Variants in TAF4B observed in about 807,000 individuals in gnomAD.
TAF4B encodes TATA-box binding protein associated factor 4b.
Under a neutral mutation model 86.4 loss-of-function variants are expected in TAF4B, and 38 were observed. The ratio of observed to expected loss-of-function variants is 0.44; its 90% CI spans 0.34 to 0.58. The LOEUF is 0.58. TAF4B is among the 20% of genes least tolerant of loss of function. The probability of loss-of-function intolerance (pLI) is 0.02; values close to 1 mark genes in which losing one functional copy is unlikely to be tolerated. For missense variants in TAF4B, 988 were observed against 1,027.6 expected (o/e 0.96, Z 0.53); for synonymous variants, 388 against 391.2 (o/e 0.99, Z 0.10).
In TAF4B at chr18:26,304,653, A is replaced by G. The variant is rs201732483; in HGVS notation, c.1833-10576A>G. The G allele has an allele frequency of 5.5e-6, 5 of 914,890 alleles. No homozygotes were observed. In the East Asian group the frequency reaches 5.9e-4, roughly 109 times the overall value. The allele number at this position is 914,890 out of a possible 1,614,324, so 56.7% of individuals were successfully genotyped here. ...AACTTGACTTACCCAGGAGTCTCAG[A>G]TACACTTTTCCCATTGTAATCAAGA... On this transcript the variant is annotated intron_variant, in intron 9 of 14. Transcript: ENST00000269142.
chr18:26,281,408 ATTT>A (rs2056447860), intron 5 of TAF4B, among the ~76,000 whole-genome samples: 1 of 152,208 alleles, frequency 6.6e-6, no homozygotes, highest in African/African-American at 2.4e-5. Context: ...ATTAGGCAAA[ATTT>A]TTAAAACTAT....
intron 9 of TAF4B, among the ~76,000 whole-genome samples, chr18:26,299,797 A>G (rs1462692599): frequency 1.3e-5 from 2 of 152,050 alleles, no homozygotes; most frequent in Non-Finnish European, 2.9e-5. Context: ...TGATTTTCAG[A>G]TTTATCAGCA....
chr18:26,319,755 A>G (rs868068426), intron 10 of TAF4B, among the ~76,000 whole-genome samples: 1 of 151,466 alleles, frequency 6.6e-6, no homozygotes, highest in African/African-American at 2.4e-5. Context: ...ACGACCAGCT[A>G]TTTTTTTTGT....
chr18:26,237,923 A>G (rs1263791025), intron 1 of TAF4B, among the ~76,000 whole-genome samples: 1 of 152,130 alleles, frequency 6.6e-6, no homozygotes, highest in Non-Finnish European at 1.5e-5. Flanking sequence ...AGCGTTTCCC[A>G]TCAGAAAAGA....
chr18:26,353,330 T>G (rs918227812), intron 13 of TAF4B, among the ~76,000 whole-genome samples: 1 of 152,240 alleles, frequency 6.6e-6, no homozygotes, highest in African/African-American at 2.4e-5. Flanking sequence ...AATCATATAT[T>G]AATAGTCTAA....
chr18:26,385,894 G>A (rs1208522958), intron 14 of TAF4B, among the ~76,000 whole-genome samples: 1 of 152,120 alleles, frequency 6.6e-6, no homozygotes, highest in African/African-American at 2.4e-5. Context: ...CTACCCCCTT[G>A]ACTGTGGATA....
chr18:26,315,469 A>G, intron 10 of TAF4B, 71 bp downstream of exon 10: 4 of 1,281,322 alleles, frequency 3.1e-6, no homozygotes, highest in Non-Finnish European at 4.2e-6. Flanking sequence ...CAAAAGAGAC[A>G]ACCTGGGTTG....
At chr18:26,256,731 T>A (rs1473095041) in intron 1 of TAF4B, among the ~76,000 whole-genome samples, 1 of 152,028 alleles carries the variant, frequency 6.6e-6, no homozygotes, top group Non-Finnish European at 1.5e-5. Flanking sequence ...ATCTCAAAAG[T>A]ATTTTCTAGT....
At chr18:26,324,676 TCTTGTA>T (rs1441769071) in intron 11 of TAF4B, among the ~76,000 whole-genome samples, 1 of 152,218 alleles carries the variant, frequency 6.6e-6, no homozygotes, top group Admixed American at 6.5e-5. Context: ...TAACCTGCTG[TCTTGTA>T]TACTACCTAT....
At chr18:26,254,583 CAA>C (rs2056054271) in intron 1 of TAF4B, among the ~76,000 whole-genome samples, 1 of 152,118 alleles carries the variant, frequency 6.6e-6, no homozygotes, top group Admixed American at 6.5e-5. Context: ...AAATGTGCCC[CAA>C]GAAGCATTAA....
intron 2 of TAF4B, chr18:26,265,945 GTGTT>G (rs1448983629): frequency 6.6e-6 from 1 of 151,244 alleles, no homozygotes; most frequent in African/African-American, 2.4e-5. Flanking sequence ...GCTAATTTTT[GTGTT>G]TATTTAGTAG....
chr18:26,353,780 A>G (rs531489389), intron 13 of TAF4B, among the ~76,000 whole-genome samples: 3 of 152,346 alleles, frequency 2.0e-5, no homozygotes, highest in Admixed American at 6.5e-5. Context: ...TAGATTGGAG[A>G]CATGGAAATA....
intron 13 of TAF4B, among the ~76,000 whole-genome samples, chr18:26,347,241 G>A (rs571944630): frequency 8.8e-4 from 134 of 151,870 alleles, no homozygotes; most frequent in African/African-American, 3.1e-3. Context: ...ATTATACCCA[G>A]CAAAACTATC....
chr18:26,381,997 C>T (rs1176115670), intron 14 of TAF4B, among the ~76,000 whole-genome samples: 1 of 151,738 alleles, frequency 6.6e-6, no homozygotes, highest in Non-Finnish European at 1.5e-5. Flanking sequence ...TTCTATCAGC[C>T]TGTATGCAAC....
At position 26,286,321 on chromosome 18, in the gene TAF4B, T is replaced by G. The variant is rs1373366732; in HGVS notation, c.1412T>G (p.Phe471Cys). 3 of 1,614,242 alleles carry G rather than the reference T, an allele frequency of 1.9e-6. No homozygotes were observed. In the Admixed American group the frequency reaches 5.0e-5, roughly 27 times the overall value. Residue 471 changes from phenylalanine to cysteine, a missense_variant, in exon 7 of 15, where the codon TTT becomes TGT. Around this residue, in one of 3 missense-constraint regions of TAF4B, gnomAD observed 747 missense variants for 737.9 expected, o/e 1.01. Coordinates refer to ENST00000269142, the MANE Select transcript of TAF4B (RefSeq NM_005640.3). ...ACACTGTCCCTTCCAGCAGTAACTT[T>G]TGGAGAAACTTCAGGTGCAGCTATT... The part of the protein sequence containing the change: ...AVTLSLPAVT[F>C]GETSGAAICL...
intron 1 of TAF4B, chr18:26,256,055 T>C (rs6508425): frequency 0.32 from 423,750 of 1,317,524 alleles, 78,381 homozygotes; most frequent in African/African-American, 0.79. Flanking sequence ...GCTCTTTATC[T>C]TGTTCCCAGA....
intron 1 of TAF4B, among the ~76,000 whole-genome samples, chr18:26,241,546 C>T (rs1316388762): frequency 6.6e-6 from 1 of 152,088 alleles, no homozygotes; most frequent in African/African-American, 2.4e-5. Flanking sequence ...CTCCTGGATT[C>T]TTTGATTTTT....
intron 1 of TAF4B, among the ~76,000 whole-genome samples, chr18:26,249,913 G>C (rs1219477498): frequency 6.6e-6 from 1 of 152,094 alleles, no homozygotes; most frequent in East Asian, 1.9e-4. Flanking sequence ...GATAGAGATA[G>C]GGTTTCACCA....
intron 13 of TAF4B, among the ~76,000 whole-genome samples, chr18:26,338,669 G>A (rs1360580646): frequency 6.6e-6 from 1 of 151,614 alleles, no homozygotes; most frequent in Non-Finnish European, 1.5e-5. Flanking sequence ...GTGGAGATGG[G>A]GTTTCTCCAT....
Sources: allele counts gnomAD v4.1 joint callset (sites outside exome capture counted in the v4.1 genomes callset), GRCh38; gene constraint gnomAD v4.1.1; regional missense constraint gnomAD v4.1.1; transcripts MANE v1.5; gene names NCBI Gene and HGNC (gene_info 2026-07-23, HGNC 2026-07-21).